Variants in SPTAN1 observed in about 807,000 individuals in gnomAD.
The protein encoded by SPTAN1 is spectrin alpha chain, non-erythrocytic 1.
SPTAN1 carries 61 observed loss-of-function variants against 331.3 expected under a neutral mutation model. The ratio of observed to expected loss-of-function variants is 0.18; its 90% CI spans 0.15 to 0.23. The LOEUF is 0.23. Ranked by LOEUF, SPTAN1 falls within the 10% of genes least tolerant of loss-of-function variation. The pLI, the probability that SPTAN1 is intolerant of heterozygous loss-of-function variation, is 1.00. For synonymous variants in SPTAN1, 1,153 were observed against 1,173.9 expected, an observed-to-expected ratio of 0.98 and a Z score of 0.36; for missense variants, 2,043 against 3,147.9, an observed-to-expected ratio of 0.65 and a Z score of 8.40.
chr9:128,570,177 C>T (rs1422199110), intron 3 of SPTAN1, among the ~76,000 whole-genome samples: 1 of 151,638 alleles, frequency 6.6e-6, no homozygotes, highest in Non-Finnish European at 1.5e-5. Flanking sequence ...AATATGTAAC[C>T]AGCTTACAGA....
chr9:128,569,457 G>T (rs571634122), intron 3 of SPTAN1, among the ~76,000 whole-genome samples: 26 of 151,834 alleles, frequency 1.7e-4, no homozygotes, highest in African/African-American at 6.3e-4. Context: ...GCTGATTTTA[G>T]TGCGAGTTTA....
At position 128,624,399 on chromosome 9, in the gene SPTAN1, A is replaced by G. The variant is rs778709187; in HGVS notation, c.5904A>G (p.Lys1968=). 1 of 1,614,062 alleles carries G rather than the reference A, an allele frequency of 6.2e-7. No homozygotes were observed. The highest frequency in any genetic ancestry group is 1.1e-5 in the South Asian group (1 of 91,080). Residue 1968 remains lysine, a synonymous_variant, in exon 46 of 57, where the codon AAA becomes AAG. Coordinates refer to ENST00000372739, the MANE Select transcript of SPTAN1 (RefSeq NM_001130438.3). ...GLNGKVSDLE[K]AAAQRKAKLD... The stretch of plus-strand genomic sequence containing the variant: ...ACGGGAAAGTGTCAGACCTGGAGAA[A>G]GCTGCAGCCCAGAGAAAGGCGAAGC...
chr9:128,585,992 C>T, intron 19 of SPTAN1, 27 bp downstream of exon 19: 1 of 1,607,014 alleles, frequency 6.2e-7, no homozygotes, highest in African/African-American at 1.3e-5. Flanking sequence ...AGCGTCTCAC[C>T]TGCCAGGGAA....
chr9:128,626,117 C>A, intron 48 of SPTAN1, 139 bp downstream of exon 48: 1 of 1,133,132 alleles, frequency 8.8e-7, no homozygotes, highest in Non-Finnish European at 1.3e-6. Flanking sequence ...GTGTGGCTGG[C>A]ATCAATTAAA....
chr9:128,620,442 T>C lies in SPTAN1; in HGVS notation c.5734-716T>C, dbSNP rs144819148. On this transcript the variant is annotated intron_variant, in intron 44 of 56. Coordinates refer to ENST00000372739, the MANE Select transcript of SPTAN1 (RefSeq NM_001130438.3). ...ACTAAGGAAAAGACCTGGGGCCAGG[T>C]GCGGTGGCTCACACCTGTAATCCCA... Among the ~76,000 whole-genome samples the C allele has an allele frequency of 2.7e-3, 418 of 152,118 alleles. 9 individuals are homozygous for C. The East Asian group carries it at 0.041, about 15-fold the overall frequency.
intron 3 of SPTAN1, among the ~76,000 whole-genome samples, chr9:128,569,511 A>G (rs934168590): frequency 6.6e-6 from 1 of 150,808 alleles, no homozygotes; most frequent in Non-Finnish European, 1.5e-5. Context: ...TTCGTTTCAC[A>G]TATCTAGTAT....
At position 128,607,920 on chromosome 9, in the gene SPTAN1, G is replaced by C. The variant is rs754607337; in HGVS notation, c.4215G>C (p.Leu1405=). The C allele has an allele frequency of 1.2e-6, 2 of 1,614,130 alleles. No individual in the cohort carries two copies. The highest frequency in any genetic ancestry group is 1.7e-6 in the Non-Finnish European group (2 of 1,180,036). The change falls in exon 33 of 57, where the codon CTG becomes CTC. Residue 1405 remains leucine, a synonymous_variant. Transcript: ENST00000372739. The part of the protein sequence containing the change: ...FQAFEQFGQQ[L]LAHGHYASPE... ...CATTTGAGCAGTTTGGACAGCAGCTGTTGGCTCACGGACACTATGCCAGCC... is the reference window on the plus strand; with the variant it reads ...CATTTGAGCAGTTTGGACAGCAGCTCTTGGCTCACGGACACTATGCCAGCC...
intron 17 of SPTAN1, 98 bp downstream of exon 17, chr9:128,584,623 A>G: frequency 1.9e-6 from 3 of 1,614,044 alleles, no homozygotes; most frequent in Non-Finnish European, 1.7e-6. Flanking sequence ...TCGAATTTAA[A>G]TTATTGAACT....
chr9:128,579,857 T>G, intron 10 of SPTAN1, 119 bp downstream of exon 10: 1 of 851,744 alleles, frequency 1.2e-6, no homozygotes, highest in Non-Finnish European at 1.9e-6. Context: ...GTGAGAAACT[T>G]TCCTTTCTCT....
intron 25 of SPTAN1, 102 bp downstream of exon 25, chr9:128,598,606 A>G: frequency 9.6e-7 from 1 of 1,042,956 alleles, no homozygotes; most frequent in Non-Finnish European, 1.5e-6. Flanking sequence ...CATAACACAG[A>G]ACTGTGGCTT....
chr9:128,600,974 CTTTTTTTTT>C lies in SPTAN1; in HGVS notation c.3579+878_3579+886del, dbSNP rs60290370. On this transcript the variant is annotated intron_variant, in intron 27 of 56. Transcript: ENST00000372739. Reference sequence around the variant, plus strand: ...CACAGCACACAGCCAGGGAGAAAGTCTTTTTTTTTTTTTTTTTTTTTTTTTTTGAGACGG... The same window carrying C: ...CACAGCACACAGCCAGGGAGAAAGTCTTTTTTTTTTTTTTTTTTGAGACGG... Among the ~76,000 whole-genome samples, 62 of 40,868 alleles carry C rather than the reference CTTTTTTTTT, an allele frequency of 1.5e-3. 3 individuals carry two copies. The highest frequency in any genetic ancestry group is 3.9e-3 in the African/African-American group (44 of 11,328). 26.8% of individuals were successfully genotyped at this position (40,868 alleles called of 152,430 possible). A position where few individuals can be genotyped will look rare whatever the true frequency, so the allele number is the denominator to read the frequency against.
At chr9:128,581,501 AC>A (rs1317259318) in intron 11 of SPTAN1, among the ~76,000 whole-genome samples, 1 of 152,004 alleles carries the variant, frequency 6.6e-6, no homozygotes, top group Non-Finnish European at 1.5e-5. Context: ...AACAAAAAAA[AC>A]AAACCTTAGC....
chr9:128,605,000 G>C, intron 29 of SPTAN1, 34 bp from the exon 30 acceptor site: 2 of 1,613,386 alleles, frequency 1.2e-6, no homozygotes, highest in Non-Finnish European at 1.7e-6. Context: ...AGTTGTACTT[G>C]GCATTTCTTA....
chr9:128,565,243 G>C (rs924883093), intron 1 of SPTAN1, among the ~76,000 whole-genome samples: 2 of 152,238 alleles, frequency 1.3e-5, no homozygotes, highest in Non-Finnish European at 2.9e-5. Flanking sequence ...GCAGAGGGCA[G>C]TGAGCTGAGA....
chr9:128,618,279 T>A (rs1160544527), intron 43 of SPTAN1, among the ~76,000 whole-genome samples, 171 bp downstream of exon 43: 1 of 152,026 alleles, frequency 6.6e-6, no homozygotes, highest in Non-Finnish European at 1.5e-5. Context: ...CATGCTGAGG[T>A]GGTCTCATTC....
At chr9:128,624,885 C>T in intron 46 of SPTAN1, 1 of 625,348 alleles carries the variant, frequency 1.6e-6, no homozygotes, top group Non-Finnish European at 2.9e-6. Flanking sequence ...GTAATAGCAA[C>T]TGAACTAGAA....
At position 128,612,143 on chromosome 9, in the gene SPTAN1, T is replaced by C; in HGVS notation, c.4940T>C (p.Phe1647Ser). The change falls in exon 39 of 57, where the codon TTC (phenylalanine) becomes TCC (serine). Residue 1647 changes from phenylalanine (F) to serine (S), a missense_variant. By Grantham distance (155) the Phe-to-Ser change is radical (BLOSUM62 -2). Transcript: ENST00000372739. ...GCTGCCTTAGCTGACCAGTGGCAGT[T>C]CTTGGTGCAAAAGTCAGCGGAAAAG... ...RLAALADQWQ[F>S]LVQKSAEKSQ... 1 of 1,614,168 alleles carries C rather than the reference T, an allele frequency of 6.2e-7. No individual in the cohort carries two copies. Among genetic ancestry groups the C allele is most frequent in the Non-Finnish European group, 8.5e-7 (1 of 1,180,042 alleles).
chr9:128,623,622 ATTT>A (rs777632874), intron 45 of SPTAN1, among the ~76,000 whole-genome samples: 4 of 117,102 alleles, frequency 3.4e-5, no homozygotes, highest in East Asian at 2.5e-4. Context: ...AACCTGGCTA[ATTT>A]TTTTTTTTTT....
rs140418358 is a variant in SPTAN1 at position 128,626,528 on chromosome 9, C to T, written c.6417C>T (p.Asp2139=). The T allele has an allele frequency of 9.9e-5, 160 of 1,614,058 alleles. No homozygotes were observed. The highest frequency in any genetic ancestry group is 2.9e-4 in the African/African-American group (22 of 74,940). The change falls in exon 49 of 57, where the codon GAC becomes GAT. Residue 2139 remains aspartate (D), a synonymous_variant. Transcript: ENST00000372739. ...EEIKALREAH[D]AFRSSLSSAQ... ...TCAAAGCTTTGCGCGAGGCCCACGACGCCTTCCGCTCCTCCCTCAGCTCTG... is the reference window on the plus strand; with the variant it reads ...TCAAAGCTTTGCGCGAGGCCCACGATGCCTTCCGCTCCTCCCTCAGCTCTG...
Sources: allele counts gnomAD v4.1 joint callset (sites outside exome capture counted in the v4.1 genomes callset), GRCh38; gene constraint gnomAD v4.1.1; transcripts MANE v1.5; gene names NCBI Gene and HGNC (gene_info 2026-07-23, HGNC 2026-07-21).